The following WDFY4 variants were observed in gnomAD, a reference collection of about 807,000 sequenced individuals.
WDFY4 encodes WD repeat- and FYVE domain-containing protein 4.
WDFY4 carries 169 observed loss-of-function variants against 351.9 expected under a neutral mutation model. That is an observed-to-expected ratio of 0.48 (90% confidence interval 0.42 to 0.55). WDFY4 has a LOEUF of 0.55. Among genes scored for constraint, WDFY4 ranks in the 20% least tolerant of loss-of-function variants. The pLI, the probability that WDFY4 is intolerant of heterozygous loss-of-function variation, is 0.00. For synonymous variants in WDFY4, 1,622 were observed against 1,574.6 expected (o/e 1.03, Z -0.71); for missense variants, 3,803 against 3,935.6 (o/e 0.97, Z 0.90).
chr10:48,955,615 T>C lies in WDFY4; in HGVS notation c.7978-1514T>C, dbSNP rs151051363. On this transcript the variant is annotated intron_variant, in intron 51 of 61. Coordinates refer to ENST00000325239, the MANE Select transcript of WDFY4 (RefSeq NM_001394531.1). ...CATTCACTGCCTTGGGAAAAATCAG[T>C]GTACTTTGAGGAGCCTCCTTTTTCT... Among the ~76,000 whole-genome samples, 57 of 152,322 alleles carry C rather than the reference T, an allele frequency of 3.7e-4. 1 individual carries two copies. Among genetic ancestry groups the C allele is most frequent in the Middle Eastern group, 6.8e-3 (2 of 294 alleles).
chr10:48,876,978 C>T lies in WDFY4; in HGVS notation c.7001-55C>T, dbSNP rs1385609513. ...TGTAGGCACATGCTGTGCACCGGCCCTTACCATGTCAGGTGGCTCCTGTCA... is the reference window on the plus strand; with the variant it reads ...TGTAGGCACATGCTGTGCACCGGCCTTTACCATGTCAGGTGGCTCCTGTCA... On this transcript the variant is annotated intron_variant, in intron 42 of 61. Transcript: ENST00000325239. 3 of 1,434,080 alleles carry T rather than the reference C, an allele frequency of 2.1e-6. No individual in the cohort carries two copies. The African/African-American group carries it at 4.4e-5, about 21-fold the overall frequency. 88.8% of individuals were successfully genotyped at this position (1,434,080 alleles called of 1,614,324 possible).
Position 48,897,566 on chromosome 10 carries a change from C to T in WDFY4, c.7429C>T (p.Leu2477Phe). ...GCGGGAGCTACGGCAGGCTCGCTTCCTCCTGCAGGTAAGCACACTGGGTGC... is the reference window on the plus strand; with the variant it reads ...GCGGGAGCTACGGCAGGCTCGCTTCTTCCTGCAGGTAAGCACACTGGGTGC... Reference protein sequence around the residue: ...DMRELRQARFLLQDIALEIFF... With the variant: ...DMRELRQARFFLQDIALEIFF... The change falls in exon 45 of 62, where the codon CTC becomes TTC. Residue 2477 changes from leucine (L) to phenylalanine (F), a missense_variant. By Grantham distance (22) the Leu-to-Phe change is conservative. This residue lies in a region of WDFY4 where 3,054 missense variants were observed against 3,148.6 expected (regional missense o/e 0.97). Coordinates refer to ENST00000325239, the MANE Select transcript of WDFY4 (RefSeq NM_001394531.1). The T allele has an allele frequency of 6.5e-7, 1 of 1,547,080 alleles. No individual in the cohort carries two copies.
chr10:48,819,209 G>C (rs1442128320), intron 32 of WDFY4, among the ~76,000 whole-genome samples: 1 of 152,198 alleles, frequency 6.6e-6, no homozygotes, highest in Non-Finnish European at 1.5e-5. Context: ...GGGGCTCCTG[G>C]CTCTAATTCC....
chr10:48,891,838 C>T (rs1181757969), intron 44 of WDFY4, among the ~76,000 whole-genome samples: 2 of 152,238 alleles, frequency 1.3e-5, no homozygotes, highest in African/African-American at 4.8e-5. Context: ...ACTTTAACTT[C>T]CAGTTGTCCT....
intron 39 of WDFY4, among the ~76,000 whole-genome samples, chr10:48,854,235 A>T (rs1435716432): frequency 6.6e-6 from 1 of 151,520 alleles, no homozygotes; most frequent in Non-Finnish European, 1.5e-5. Flanking sequence ...AAGTCTCCTG[A>T]GTAGCTGGGA....
At chr10:48,966,052 G>C (rs1280207767) in intron 54 of WDFY4, among the ~76,000 whole-genome samples, 1 of 152,140 alleles carries the variant, frequency 6.6e-6, no homozygotes, top group Admixed American at 6.5e-5. Flanking sequence ...GTGTTCTTTG[G>C]AATATTTGAA....
intron 3 of WDFY4, among the ~76,000 whole-genome samples, chr10:48,720,990 G>T (rs532916550): frequency 1.3e-5 from 2 of 152,194 alleles, no homozygotes; most frequent in African/African-American, 2.4e-5. Flanking sequence ...TCTGATAGCC[G>T]ATTAGCTTGT....
At chr10:48,749,041 T>C (rs1235281756) in intron 12 of WDFY4, among the ~76,000 whole-genome samples, 1 of 152,214 alleles carries the variant, frequency 6.6e-6, no homozygotes, top group Non-Finnish European at 1.5e-5. Flanking sequence ...GACATAATAA[T>C]AGTATCTACA....
chr10:48,979,591 ATGG>A (rs1842723756), intron 60 of WDFY4: 1 of 151,722 alleles, frequency 6.6e-6, no homozygotes, highest in Non-Finnish European at 1.5e-5. Flanking sequence ...GGATGGATGG[ATGG>A]ATGGATGGAT....
Position 48,974,997 on chromosome 10 carries a change from G to A in WDFY4, c.9064G>A (p.Ala3022Thr), listed in dbSNP as rs61733240. The change falls in exon 58 of 62, where the codon GCC becomes ACC. Residue 3022 changes from alanine (A) to threonine (T), a missense_variant. By Grantham distance (58) the Ala-to-Thr change is moderately conservative (BLOSUM62 0). Transcript: ENST00000325239. The stretch of plus-strand genomic sequence containing the variant: ...CCTCACCCACGTGACCCGCCTGCCC[G>A]CCCATCGGGAAGGCATCTCAGCCAT... The part of the protein sequence containing the change: ...DHLTHVTRLP[A>T]HREGISAITI... 116,247 of 1,551,546 alleles carry A rather than the reference G, an allele frequency of 0.075. 6,117 individuals carry two copies. The highest frequency in any genetic ancestry group is 0.25 in the African/African-American group (18,055 of 73,084).
chr10:48,954,783 T>C (rs866146723), intron 51 of WDFY4, among the ~76,000 whole-genome samples: 1 of 152,220 alleles, frequency 6.6e-6, no homozygotes, highest in Non-Finnish European at 1.5e-5. Flanking sequence ...AACAAATGTA[T>C]GCAAATACAT....
intron 19 of WDFY4, among the ~76,000 whole-genome samples, chr10:48,782,981 A>G (rs1416527575): frequency 6.6e-6 from 1 of 152,178 alleles, no homozygotes. Flanking sequence ...CTGCGAGAAC[A>G]GAGAGATAAG....
rs1444134158 is a variant in WDFY4, at chr10:48,786,709, G to A, written c.3647G>A (p.Gly1216Glu). Residue 1216 changes from glycine to glutamate, a missense_variant, in exon 20 of 62, where the codon GGA becomes GAA. Transcript: ENST00000325239. ...CCATCCGCATTTGTGGATGTTTATG[G>A]ATATATTGCTACTCCTCGAGTCTGG... is the stretch of plus-strand genomic sequence containing the variant. ...MDPSAFVDVY[G>E]YIATPRVWKQ... 1.9e-6 allele frequency: 3 copies of A among 1,552,240 alleles called. No homozygotes were observed. The highest frequency in any genetic ancestry group is 2.6e-6 in the Non-Finnish European group (3 of 1,147,100).
chr10:48,978,411 G>T lies in WDFY4; in HGVS notation c.9376+18G>T. The T allele has an allele frequency of 6.5e-7, 1 of 1,545,016 alleles. No homozygotes were observed. The highest frequency in any genetic ancestry group is 8.7e-7 in the Non-Finnish European group (1 of 1,144,108). Reference sequence around the variant, plus strand: ...CCCAAGAGGTACCTGACCTGCTAGGGATGTGGCCGTCCTGGCCTTGCCCTG... The same window carrying T: ...CCCAAGAGGTACCTGACCTGCTAGGTATGTGGCCGTCCTGGCCTTGCCCTG... On this transcript the variant is annotated intron_variant, in intron 60 of 61. Coordinates refer to ENST00000325239, the MANE Select transcript of WDFY4 (RefSeq NM_001394531.1).
At chr10:48,689,612 G>T (rs12263405) in intron 1 of WDFY4, among the ~76,000 whole-genome samples, 57,590 of 151,994 alleles carry the variant, frequency 0.38, 11,434 homozygotes, top group African/African-American at 0.5. Context: ...GTGGCTGGAA[G>T]TTGTGCCTGG....
chr10:48,982,037 C>A (rs1476637633), intron 61 of WDFY4, among the ~76,000 whole-genome samples: 1 of 152,214 alleles, frequency 6.6e-6, no homozygotes, highest in Non-Finnish European at 1.5e-5. Flanking sequence ...TTCCTTCCTC[C>A]CTCACTGGCG....
At chr10:48,830,304 G>A (rs544983488) in intron 37 of WDFY4, among the ~76,000 whole-genome samples, 1 of 152,312 alleles carries the variant, frequency 6.6e-6, no homozygotes, top group South Asian at 2.1e-4. Flanking sequence ...GTAAGGGAAG[G>A]TTGGAAGGAG....
intron 44 of WDFY4, among the ~76,000 whole-genome samples, chr10:48,891,461 T>G (rs931023864): frequency 6.6e-6 from 1 of 152,256 alleles, no homozygotes; most frequent in Non-Finnish European, 1.5e-5. Flanking sequence ...TTGCCAAAAG[T>G]CCAGTTGTCA....
chr10:48,814,342 A>T (rs1446372032), intron 31 of WDFY4, among the ~76,000 whole-genome samples: 1 of 152,202 alleles, frequency 6.6e-6, no homozygotes, highest in African/African-American at 2.4e-5. Context: ...TCACTGGAAG[A>T]TTTATTGCCT....
Sources: allele counts gnomAD v4.1 joint callset (sites outside exome capture counted in the v4.1 genomes callset), GRCh38; gene constraint gnomAD v4.1.1; regional missense constraint gnomAD v4.1.1; transcripts MANE v1.5; gene names NCBI Gene and HGNC (gene_info 2026-07-23, HGNC 2026-07-21).